Variants in NWD2 observed in about 807,000 individuals in gnomAD.
NWD2 encodes NACHT and WD repeat domain-containing protein 2.
A neutral mutation model predicts 132.7 loss-of-function variants in NWD2; 37 were observed. The ratio of observed to expected loss-of-function variants is 0.28; its 90% CI spans 0.21 to 0.37. The LOEUF is 0.37. Ranked by LOEUF, NWD2 falls within the 10% of genes least tolerant of loss-of-function variation. The pLI is 1.00. For synonymous variants in NWD2, 705 were observed against 803.0 expected, an observed-to-expected ratio of 0.88 and a Z score of 2.06; for missense variants, 1,592 against 2,122.4, an observed-to-expected ratio of 0.75 and a Z score of 4.91.
Position 37,445,385 on chromosome 4 carries a change from T to A in NWD2, c.3397T>A (p.Leu1133Ile). 2.6e-6 allele frequency: 4 copies of A among 1,552,152 alleles called. No individual in the cohort carries two copies. The highest frequency in any genetic ancestry group is 3.5e-6 in the Non-Finnish European group (4 of 1,147,096). ...ATTTCATTTAGGGAGTGGAGAAAAG[T>A]TATGTACAGTGACATCAGAATTTTC... Reference protein sequence around the residue: ...TIFHLGSGEKLCTVTSEFSGG... With the variant: ...TIFHLGSGEKICTVTSEFSGG... The change falls in exon 7 of 7, where the codon TTA (leucine) becomes ATA (isoleucine). Residue 1133 changes from leucine to isoleucine, a missense_variant. Around this residue, in one of 7 missense-constraint regions of NWD2, gnomAD observed 1,071 missense variants for 1,398.0 expected, o/e 0.77. Transcript: ENST00000309447. The surrounding 1 kb of genome is among the most constrained non-coding windows in gnomAD (Gnocchi z 4.7).
At chr4:37,291,196 A>T (rs1021525001) in intron 1 of NWD2, among the ~76,000 whole-genome samples, 1 of 152,062 alleles carries the variant, frequency 6.6e-6, no homozygotes, top group Non-Finnish European at 1.5e-5. Context: ...TTACCTTTGT[A>T]CCTCTTTGAT....
At chr4:37,311,642 G>T (rs1368231612) in intron 1 of NWD2, among the ~76,000 whole-genome samples, 2 of 148,006 alleles carry the variant, frequency 1.4e-5, no homozygotes, top group Non-Finnish European at 2.9e-5. Flanking sequence ...AGTTTAATTA[G>T]ATCCCATTTG....
chr4:37,245,182 C>G lies in NWD2; in HGVS notation c.115C>G (p.Arg39Gly). 2 of 1,544,082 alleles carry G rather than the reference C, an allele frequency of 1.3e-6. No individual in the cohort carries two copies. The highest frequency in any genetic ancestry group is 1.7e-6 in the Non-Finnish European group (2 of 1,146,120). Residue 39 changes from arginine (R) to glycine (G), a missense_variant, in exon 1 of 7, where the codon CGC (arginine) becomes GGC (glycine). Physicochemically the swap from Arg to Gly is moderately radical, Grantham distance 125. Around this residue, in one of 7 missense-constraint regions of NWD2, gnomAD observed 88 missense variants for 92.8 expected, o/e 0.95. Coordinates refer to ENST00000309447, the MANE Select transcript of NWD2 (RefSeq NM_001144990.2). ...GCCCTCTCACCTCGTGCCCGCCGGC[C>G]GCAGCGTCCGGGTCTTCATCAGCGC... is the stretch of plus-strand genomic sequence containing the variant. ...ALPSHLVPAGRSVRVFISANP... is the reference protein window; with the variant it reads ...ALPSHLVPAGGSVRVFISANP...
At chr4:37,367,829 A>G (rs185120701) in intron 3 of NWD2, among the ~76,000 whole-genome samples, 1 of 152,218 alleles carries the variant, frequency 6.6e-6, no homozygotes, top group East Asian at 1.9e-4. Flanking sequence ...GATTTCTGCA[A>G]TTTGCCTGAT....
At chr4:37,414,121 A>T (rs1721214981) in intron 3 of NWD2, among the ~76,000 whole-genome samples, 1 of 151,948 alleles carries the variant, frequency 6.6e-6, no homozygotes, top group Admixed American at 6.6e-5. Context: ...AAAGTATAAT[A>T]AAAAAAAGAA....
In NWD2 at chr4:37,444,775, A is replaced by G; in HGVS notation, c.2787A>G (p.Arg929=). ...LPVVSSLPKL[R]HLLLECDKDG... ...TTGTAAGCTCCCTGCCCAAACTTAG[A>G]CATCTTCTTTTAGAGTGTGATAAAG... Residue 929 remains arginine, a synonymous_variant, in exon 7 of 7, where the codon AGA becomes AGG. Transcript: ENST00000309447. This position sits in a 1 kb window ranked among gnomAD's most constrained non-coding sequence, Gnocchi z 4.8. The G allele has an allele frequency of 6.4e-7, 1 of 1,551,854 alleles. No homozygotes were observed. The highest frequency in any genetic ancestry group is 1.2e-5 in the South Asian group (1 of 84,048).
At chr4:37,247,982 A>G (rs572050180) in intron 1 of NWD2, among the ~76,000 whole-genome samples, 1 of 152,314 alleles carries the variant, frequency 6.6e-6, no homozygotes, top group Non-Finnish European at 1.5e-5. Context: ...TTTGTTTTCT[A>G]TCCTCAAACA....
chr4:37,409,131 AG>A (rs887762769), intron 3 of NWD2, among the ~76,000 whole-genome samples: 1 of 152,148 alleles, frequency 6.6e-6, no homozygotes, highest in Non-Finnish European at 1.5e-5. Flanking sequence ...CTTGCCAGCA[AG>A]GGAACAAAAC....
intron 3 of NWD2, among the ~76,000 whole-genome samples, chr4:37,415,471 G>A (rs1299497909): frequency 6.6e-6 from 1 of 152,156 alleles, no homozygotes; most frequent in Non-Finnish European, 1.5e-5. Flanking sequence ...TTGGGAGGCC[G>A]AGGCAGGTGG....
intron 2 of NWD2, among the ~76,000 whole-genome samples, chr4:37,331,814 C>A (rs932004335): frequency 1.3e-5 from 2 of 152,176 alleles, no homozygotes; most frequent in Admixed American, 1.3e-4. Context: ...ATTTCCAGTG[C>A]CATCCCTCCC....
intron 3 of NWD2, among the ~76,000 whole-genome samples, chr4:37,416,278 G>A (rs1212945568): frequency 6.6e-6 from 1 of 152,154 alleles, no homozygotes; most frequent in Admixed American, 6.5e-5. Flanking sequence ...TATGGAGTGA[G>A]AAATCGGTCT....
intron 3 of NWD2, among the ~76,000 whole-genome samples, chr4:37,382,365 G>A (rs1472666773): frequency 6.6e-6 from 1 of 152,102 alleles, no homozygotes; most frequent in Non-Finnish European, 1.5e-5. Context: ...TTAAGAGAAT[G>A]CTGCCATCAA....
At chr4:37,339,137 T>G (rs1719469472) in intron 2 of NWD2, among the ~76,000 whole-genome samples, 1 of 152,146 alleles carries the variant, frequency 6.6e-6, no homozygotes, top group South Asian at 2.1e-4. Context: ...TGGACCAACC[T>G]TACCAAGTTG....
Position 37,375,846 on chromosome 4 carries a change from C to G in NWD2, c.357+19364C>G, listed in dbSNP as rs1025432915. Among the ~76,000 whole-genome samples, 4 of 152,264 alleles carry G rather than the reference C, an allele frequency of 2.6e-5. No homozygotes were observed. The East Asian group carries it at 7.7e-4, about 29-fold the overall frequency. ...CCTCCCAAAGTGCTGGGATTACAGG[C>G]GTGAGCCACCGCGCCTGGCCTCTGG... On this transcript the variant is annotated intron_variant, in intron 3 of 6. Coordinates refer to ENST00000309447, the MANE Select transcript of NWD2 (RefSeq NM_001144990.2).
chr4:37,405,293 A>T (rs765256874), intron 3 of NWD2, among the ~76,000 whole-genome samples: 34 of 152,156 alleles, frequency 2.2e-4, no homozygotes, highest in Non-Finnish European at 3.2e-4. Context: ...GAGCGACTCT[A>T]AAACCATGTA....
chr4:37,293,766 A>G (rs147951894), intron 1 of NWD2, among the ~76,000 whole-genome samples: 7 of 152,312 alleles, frequency 4.6e-5, no homozygotes, highest in Middle Eastern at 3.4e-3. Context: ...TTAAGGATTT[A>G]AAGTGTTTTC....
intron 1 of NWD2, among the ~76,000 whole-genome samples, chr4:37,249,652 C>T (rs1717313157): frequency 6.6e-6 from 1 of 152,214 alleles, no homozygotes; most frequent in Non-Finnish European, 1.5e-5. Flanking sequence ...TACACTAGTG[C>T]ATTGCCCTCT....
At chr4:37,350,934 G>C (rs1719747465) in intron 2 of NWD2, among the ~76,000 whole-genome samples, 1 of 152,124 alleles carries the variant, frequency 6.6e-6, no homozygotes, top group Non-Finnish European at 1.5e-5. Flanking sequence ...TGCATGTATT[G>C]AGATAATCAT....
chr4:37,295,118 C>T (rs1421736052), intron 1 of NWD2, among the ~76,000 whole-genome samples: 1 of 151,838 alleles, frequency 6.6e-6, no homozygotes, highest in African/African-American at 2.4e-5. Context: ...GACCTTTTCT[C>T]TATAGCTCTC....
Sources: allele counts gnomAD v4.1 joint callset (sites outside exome capture counted in the v4.1 genomes callset), GRCh38; gene constraint gnomAD v4.1.1; regional missense constraint gnomAD v4.1.1; non-coding constraint Gnocchi (gnomAD v3.1); transcripts MANE v1.5; gene names NCBI Gene and HGNC (gene_info 2026-07-23, HGNC 2026-07-21).